The following TAFA1 variants were observed in gnomAD, a reference collection of about 807,000 sequenced individuals.
The protein encoded by TAFA1 is chemokine-like protein TAFA-1.
A neutral mutation model predicts 18.5 loss-of-function variants in TAFA1; 4 were observed. The ratio of observed to expected loss-of-function variants is 0.22; its 90% CI spans 0.11 to 0.49. The LOEUF (loss-of-function observed/expected upper bound fraction) is 0.49, where lower values mean the gene tolerates loss of function less well. Ranked by LOEUF, TAFA1 falls within the 20% of genes least tolerant of loss-of-function variation. TAFA1 has a pLI of 0.98. For missense variants in TAFA1, 147 were observed against 169.0 expected, an observed-to-expected ratio of 0.87 and a Z score of 0.72; for synonymous variants, 56 against 55.2, an observed-to-expected ratio of 1.01 and a Z score of -0.06.
chr3:68,371,051 C>G (rs1276423035), intron 2 of TAFA1, among the ~76,000 whole-genome samples: 2 of 152,002 alleles, frequency 1.3e-5, no homozygotes, highest in East Asian at 1.9e-4. Flanking sequence ...CAGAAATACT[C>G]TATTTTTCTT....
chr3:68,225,498 T>C (rs1246108481), intron 2 of TAFA1, among the ~76,000 whole-genome samples: 1 of 152,170 alleles, frequency 6.6e-6, no homozygotes, highest in Admixed American at 6.5e-5. Flanking sequence ...CTGGCAACCT[T>C]GGAGAGGTCA....
chr3:67,999,318 C>T (rs865851454), upstream of TAFA1, among the ~76,000 whole-genome samples: 1 of 26,812 alleles, frequency 3.7e-5, no homozygotes, highest in Non-Finnish European at 9.9e-5. Context: ...TGTGTGTCTA[C>T]GTTGGAGGGA....
At chr3:68,134,294 G>A (rs2065580152) in intron 2 of TAFA1, among the ~76,000 whole-genome samples, 1 of 152,106 alleles carries the variant, frequency 6.6e-6, no homozygotes, top group Non-Finnish European at 1.5e-5. Context: ...GTTAAATCAG[G>A]AGACCAACGC....
intron 2 of TAFA1, among the ~76,000 whole-genome samples, chr3:68,283,290 T>G (rs1026349593): frequency 6.6e-6 from 1 of 152,208 alleles, no homozygotes; most frequent in African/African-American, 2.4e-5. Context: ...TGACTGGAGA[T>G]TCAGTCTTAT....
chr3:68,493,787 T>G (rs751056855), intron 3 of TAFA1, among the ~76,000 whole-genome samples: 1 of 152,250 alleles, frequency 6.6e-6, no homozygotes, highest in Non-Finnish European at 1.5e-5. Flanking sequence ...TGAAGGCTGA[T>G]GAAACATTAC....
intron 2 of TAFA1, among the ~76,000 whole-genome samples, chr3:68,276,395 T>C (rs568809622): frequency 6.6e-6 from 1 of 152,304 alleles, no homozygotes; most frequent in East Asian, 1.9e-4. Context: ...CCAAAATGTC[T>C]GCAGACATTG....
At chr3:68,266,938 A>G (rs1228342500) in intron 2 of TAFA1, among the ~76,000 whole-genome samples, 1 of 106,906 alleles carries the variant, frequency 9.4e-6, no homozygotes, top group Non-Finnish European at 1.8e-5. Flanking sequence ...GTCAAGCAAA[A>G]GAACCTTCGG....
At chr3:68,221,150 T>C (rs565548919) in intron 2 of TAFA1, among the ~76,000 whole-genome samples, 58 of 152,316 alleles carry the variant, frequency 3.8e-4, no homozygotes, top group African/African-American at 1.3e-3. Context: ...GTGCAGGAAG[T>C]GGCCTGTAGA....
intron 2 of TAFA1, among the ~76,000 whole-genome samples, chr3:68,015,918 T>C (rs1388165683): frequency 6.6e-6 from 1 of 152,228 alleles, no homozygotes; most frequent in Non-Finnish European, 1.5e-5. Context: ...ATTCTTTAAC[T>C]GGCTGTCAGC....
intron 3 of TAFA1, among the ~76,000 whole-genome samples, chr3:68,509,452 G>C (rs1393983003): frequency 6.6e-6 from 1 of 152,008 alleles, no homozygotes; most frequent in East Asian, 1.9e-4. Context: ...CTTCCACTAG[G>C]TTAGGCCATT....
At chr3:68,340,553 C>G (rs1286548001) in intron 2 of TAFA1, among the ~76,000 whole-genome samples, 1 of 152,194 alleles carries the variant, frequency 6.6e-6, no homozygotes, top group Non-Finnish European at 1.5e-5. Flanking sequence ...TCCTTAGCAA[C>G]TGACCTCTCC....
intron 3 of TAFA1, among the ~76,000 whole-genome samples, chr3:68,425,690 T>C (rs1313941369): frequency 2.6e-5 from 4 of 151,960 alleles, no homozygotes; most frequent in South Asian, 2.1e-4. Context: ...TTCCTCCTAA[T>C]AAAGACAGCT....
chr3:68,509,783 A>G (rs1218171754), intron 3 of TAFA1, among the ~76,000 whole-genome samples: 4 of 152,106 alleles, frequency 2.6e-5, no homozygotes, highest in Admixed American at 2.6e-4. Flanking sequence ...AGCAAAGGAA[A>G]GTCCCCAGAA....
At chr3:68,016,751 G>C (rs9857691) in intron 2 of TAFA1, among the ~76,000 whole-genome samples, 30,527 of 152,084 alleles carry the variant, frequency 0.2, 3,678 homozygotes, top group Non-Finnish European at 0.28. Context: ...GGTGATGTAT[G>C]GTGACATTGT....
At chr3:68,269,936 G>T (rs1436399661) in intron 2 of TAFA1, among the ~76,000 whole-genome samples, 1 of 152,020 alleles carries the variant, frequency 6.6e-6, no homozygotes, top group African/African-American at 2.4e-5. Flanking sequence ...CTTTTCCTCT[G>T]AGTACATTTT....
intron 2 of TAFA1, chr3:68,145,110 T>C: frequency 9.6e-7 from 1 of 1,040,368 alleles, no homozygotes; most frequent in Admixed American, 1.7e-5. Context: ...ACACCCCCAG[T>C]GTATGGTCAG....
At chr3:68,008,004 G>A (rs1033076247) in intron 2 of TAFA1, among the ~76,000 whole-genome samples, 8 of 152,256 alleles carry the variant, frequency 5.3e-5, no homozygotes, top group Non-Finnish European at 1.2e-4. Flanking sequence ...CCTGCTGGGT[G>A]CTGGAGCTCG....
intron 2 of TAFA1, among the ~76,000 whole-genome samples, chr3:68,119,395 T>A (rs1236088795): frequency 6.6e-6 from 1 of 152,172 alleles, no homozygotes; most frequent in East Asian, 1.9e-4. Context: ...TGATGTAGTC[T>A]AATTTATCTA....
chr3:68,048,201 C>G (rs1227603172), intron 2 of TAFA1, among the ~76,000 whole-genome samples: 1 of 151,942 alleles, frequency 6.6e-6, no homozygotes, highest in Non-Finnish European at 1.5e-5. Context: ...AATATAATAT[C>G]TATGATTATA....
Sources: gnomAD v4.1 joint callset for allele counts (sites outside exome capture counted in the v4.1 genomes callset) on GRCh38, gnomAD v4.1.1 for gene constraint, MANE v1.5 for transcripts, NCBI Gene and HGNC (gene_info 2026-07-23, HGNC 2026-07-21) for gene names.